SPOCK2: variants seen among roughly 807,000 people sequenced by gnomAD.
SPOCK2 encodes the protein SPARC (osteonectin), cwcv and kazal like domains proteoglycan 2.
Under a neutral mutation model 60.1 loss-of-function variants are expected in SPOCK2, and 39 were observed. That is an observed-to-expected ratio of 0.65 (90% CI 0.50 to 0.85). SPOCK2 has a LOEUF of 0.85. SPOCK2 is among the 40% of genes least tolerant of loss of function. The probability of loss-of-function intolerance (pLI) is 0.00; values close to 1 mark genes in which losing one functional copy is unlikely to be tolerated. For missense variants in SPOCK2, 523 were observed against 567.4 expected (o/e 0.92, Z 0.80); for synonymous variants, 217 against 231.5 (o/e 0.94, Z 0.57).
Position 72,088,309 on chromosome 10 carries a change from C to A in SPOCK2, c.20G>T (p.Gly7Val). The A allele has an allele frequency of 1.3e-6, 2 of 1,587,196 alleles. No individual in the cohort carries two copies. Residue 7 changes from glycine (G) to valine (V), a missense_variant, in exon 1 of 11, where the codon GGG (glycine) becomes GTG (valine). By Grantham distance (109) the Gly-to-Val change is moderately radical (BLOSUM62 -3). Coordinates refer to ENST00000373109, the MANE Select transcript of SPOCK2 (RefSeq NM_001244950.2). MRAPGC[G>V]RLVLPLLLLA... ...GAGCAGCAGCGGCAGCACCAGCCGC[C>A]CGCAGCCCGGGGCGCGCATCGTGGT...
chr10:72,088,292 G>C lies in SPOCK2; in HGVS notation c.37C>G (p.Leu13Val). 1 of 1,598,384 alleles carries C rather than the reference G, an allele frequency of 6.3e-7. No homozygotes were observed. The highest frequency in any genetic ancestry group is 8.5e-7 in the Non-Finnish European group (1 of 1,173,922). Residue 13 changes from leucine (L) to valine (V), a missense_variant, in exon 1 of 11, where the codon CTG (leucine) becomes GTG (valine). Transcript: ENST00000373109. The stretch of plus-strand genomic sequence containing the variant: ...AGGGCTGCCGCGGCCAGGAGCAGCA[G>C]CGGCAGCACCAGCCGCCCGCAGCCC... ...APGCGRLVLP[L>V]LLLAAAALAE...
intron 2 of SPOCK2, 131 bp from the exon 3 acceptor site, chr10:72,072,679 C>T: frequency 1.4e-6 from 2 of 1,411,996 alleles, no homozygotes; most frequent in Non-Finnish European, 2.0e-6. Context: ...GGTGGCTGAC[C>T]CCTGTCCACC....
chr10:72,077,682 C>T (rs1467964495), intron 1 of SPOCK2, among the ~76,000 whole-genome samples: 7 of 152,234 alleles, frequency 4.6e-5, no homozygotes, highest in Non-Finnish European at 1.0e-4. Flanking sequence ...CTTCCTCCCT[C>T]CGAGGGTGCC....
At chr10:72,063,299 C>A in intron 9 of SPOCK2, 137 bp from the exon 10 acceptor site, 7 of 1,278,904 alleles carry the variant, frequency 5.5e-6, no homozygotes, top group African/African-American at 3.0e-5. Context: ...GCTGACCCCC[C>A]AACAGGCCCA....
intron 6 of SPOCK2, 73 bp from the exon 7 acceptor site, chr10:72,067,805 T>C: frequency 6.4e-7 from 1 of 1,561,428 alleles, no homozygotes; most frequent in Non-Finnish European, 8.7e-7. Flanking sequence ...TCTGGGATCC[T>C]GCCCTACAGG....
chr10:72,077,493 T>A (rs1840728298), intron 1 of SPOCK2, among the ~76,000 whole-genome samples: 1 of 151,972 alleles, frequency 6.6e-6, no homozygotes, highest in African/African-American at 2.4e-5. Context: ...ATCCCATGGG[T>A]GGTACCCAGC....
In SPOCK2 at chr10:72,088,335, C is replaced by T; in HGVS notation, c.-7G>A. 6.5e-7 allele frequency: 1 copy of T among 1,537,264 alleles called. No individual in the cohort carries two copies. On this transcript the variant is annotated 5_prime_UTR_variant, in exon 1 of 11. Transcript: ENST00000373109. ...CGCAGCCCGGGGCGCGCATCGTGGT[C>T]TGGGTTCGACCTGGGGGGGTCTTGA...
chr10:72,074,239 CCT>C (rs2131817450), intron 1 of SPOCK2, among the ~76,000 whole-genome samples: 2 of 152,232 alleles, frequency 1.3e-5, no homozygotes, highest in South Asian at 4.2e-4. Flanking sequence ...GCTTCTGAAG[CCT>C]CCCCTGGAAG....
rs1840578374 is a variant in SPOCK2 at position 72,066,991 on chromosome 10, A to T, written c.839T>A (p.Val280Asp). 1 of 1,614,008 alleles carries T rather than the reference A, an allele frequency of 6.2e-7. No homozygotes were observed. Among genetic ancestry groups the T allele is most frequent in the Non-Finnish European group, 8.5e-7 (1 of 1,180,046 alleles). ...GGAGTTGAAGAAGGGACGGATGCAG[A>T]CCTCGTACTTGTCCAGGTTGATGGC... ...LAAINLDKYE[V>D]CIRPFFNSCD... is the part of the protein sequence containing the mutation. The change falls in exon 8 of 11, where the codon GTC (valine) becomes GAC (aspartate). Residue 280 changes from valine (V) to aspartate (D), a missense_variant. Coordinates refer to ENST00000373109, the MANE Select transcript of SPOCK2 (RefSeq NM_001244950.2).
At chr10:72,075,039 C>T (rs974339533) in intron 1 of SPOCK2, among the ~76,000 whole-genome samples, 2 of 152,072 alleles carry the variant, frequency 1.3e-5, no homozygotes, top group African/African-American at 4.8e-5. Context: ...CGCTCCTGAG[C>T]CCCCAGGCAA....
rs1840897158 is a variant in SPOCK2, at chr10:72,088,466, G to C, written c.-138C>G. ...GTCTGCCTCCGGTGACTGGCGGAGA[G>C]TGGGTCGCGGCTGAAATGTGACCTG... On this transcript the variant is annotated 5_prime_UTR_variant, in exon 1 of 11. Coordinates refer to ENST00000373109, the MANE Select transcript of SPOCK2 (RefSeq NM_001244950.2). The C allele has an allele frequency of 9.6e-7, 1 of 1,040,800 alleles. No individual in the cohort carries two copies. Among genetic ancestry groups the C allele is most frequent in the African/African-American group, 1.6e-5 (1 of 61,622 alleles). The allele number at this position is 1,040,800 out of a possible 1,614,324, so 64.5% of individuals were successfully genotyped here. A position where few individuals can be genotyped will look rare whatever the true frequency, so the allele number is the denominator to read the frequency against.
chr10:72,064,688 A>T (rs1840543631), intron 8 of SPOCK2, among the ~76,000 whole-genome samples: 1 of 151,824 alleles, frequency 6.6e-6, no homozygotes, highest in African/African-American at 2.4e-5. Context: ...CACTATTTTT[A>T]CTGTACCTTT....
Position 72,062,693 on chromosome 10 carries a change from G to C in SPOCK2, c.*67C>G. 1 of 1,543,040 alleles carries C rather than the reference G, an allele frequency of 6.5e-7. No homozygotes were observed. Among genetic ancestry groups the C allele is most frequent in the East Asian group, 2.3e-5 (1 of 44,330 alleles). ...TGACTGCATTTCTGGATCCGTTCTC[G>C]AAGTTGCCTGCTGCTGCTCAGAGCT... On this transcript the variant is annotated 3_prime_UTR_variant, in exon 11 of 11. Transcript: ENST00000373109. This position sits in a 1 kb window ranked among gnomAD's most constrained non-coding sequence, Gnocchi z 4.3.
At position 72,088,311 on chromosome 10, in the gene SPOCK2, G is replaced by C. The variant is rs940370912; in HGVS notation, c.18C>G (p.Cys6Trp). 1.8e-5 allele frequency: 28 copies of C among 1,583,616 alleles called. No homozygotes were observed. The highest frequency in any genetic ancestry group is 2.3e-4 in the Middle Eastern group (1 of 4,368). The stretch of plus-strand genomic sequence containing the variant: ...GCAGCAGCGGCAGCACCAGCCGCCC[G>C]CAGCCCGGGGCGCGCATCGTGGTCT... MRAPG[C>W]GRLVLPLLLL... is the part of the protein sequence containing the mutation. Residue 6 changes from cysteine (C) to tryptophan (W), a missense_variant, in exon 1 of 11, where the codon TGC becomes TGG. By Grantham distance (215) the Cys-to-Trp change is radical. Transcript: ENST00000373109.
intron 1 of SPOCK2, among the ~76,000 whole-genome samples, chr10:72,081,523 C>T (rs1434730773): frequency 6.6e-6 from 1 of 152,230 alleles, no homozygotes. Flanking sequence ...CCACCATCCA[C>T]ATGTCTGACA....
Position 72,062,733 on chromosome 10 carries a change from C to A in SPOCK2, c.*27G>T. The stretch of plus-strand genomic sequence containing the variant: ...TGCTCAGAGCTCTGCTGTTGAGTCC[C>A]CCCCGGCAGCCGGCTCCTGAGGGCG... On this transcript the variant is annotated 3_prime_UTR_variant, in exon 11 of 11. Transcript: ENST00000373109. This position sits in a 1 kb window ranked among gnomAD's most constrained non-coding sequence, Gnocchi z 4.3. The A allele has an allele frequency of 6.3e-7, 1 of 1,588,686 alleles. No individual in the cohort carries two copies. The highest frequency in any genetic ancestry group is 8.5e-7 in the Non-Finnish European group (1 of 1,174,300).
Position 72,088,422 on chromosome 10 carries a change from CCT to C in SPOCK2, c.-96_-95del, listed in dbSNP as rs1440260473. On this transcript the variant is annotated 5_prime_UTR_variant, in exon 1 of 11. Coordinates refer to ENST00000373109, the MANE Select transcript of SPOCK2 (RefSeq NM_001244950.2). ...CTGCTGGCGAAGCGCACGCGGCTGT[CCT>C]CAGCTCTCCTCCCGCGGTCTGCCTC... The C allele has an allele frequency of 2.2e-6, 3 of 1,368,672 alleles. No homozygotes were observed. The East Asian group carries it at 7.8e-5, about 36-fold the overall frequency. The allele number at this position is 1,368,672 out of a possible 1,614,324, so 84.8% of individuals were successfully genotyped here.
At chr10:72,086,308 C>G (rs1156765178) in intron 1 of SPOCK2, 1 of 991,242 alleles carries the variant, frequency 1.0e-6, no homozygotes, top group African/African-American at 1.7e-5. Context: ...GGTGGGTAGC[C>G]CAGTGCCATG....
intron 1 of SPOCK2, among the ~76,000 whole-genome samples, chr10:72,082,900 G>GCT (rs1192426286): frequency 1.3e-5 from 2 of 148,214 alleles, no homozygotes; most frequent in Non-Finnish European, 3.0e-5. Flanking sequence ...TAGAGCTCAT[G>GCT]CTCTCTCTCT....
Sources: allele counts gnomAD v4.1 joint callset (sites outside exome capture counted in the v4.1 genomes callset), GRCh38; gene constraint gnomAD v4.1.1; non-coding constraint Gnocchi (gnomAD v3.1); transcripts MANE v1.5; gene names NCBI Gene and HGNC (gene_info 2026-07-23, HGNC 2026-07-21).